The following MTOR variants were observed in gnomAD, a reference collection of about 807,000 sequenced individuals.
MTOR encodes serine/threonine-protein kinase mTOR.
In MTOR, 70 loss-of-function variants were observed where a neutral mutation model predicts 319.8. The ratio of observed to expected loss-of-function variants is 0.22; its 90% CI spans 0.18 to 0.27. The LOEUF (loss-of-function observed/expected upper bound fraction) is 0.27, where lower values mean the gene tolerates loss of function less well. Ranked by LOEUF, MTOR falls within the 10% of genes least tolerant of loss-of-function variation. MTOR has a pLI of 1.00. For synonymous variants in MTOR, 1,183 were observed against 1,211.4 expected (o/e 0.98, Z 0.49); for missense variants, 1,890 against 3,274.4 (o/e 0.58, Z 10.32).
intron 9 of MTOR, 81 bp from the exon 10 acceptor site, chr1:11,241,762 A>T: frequency 6.5e-7 from 1 of 1,529,028 alleles, no homozygotes; most frequent in Non-Finnish European, 8.9e-7. Flanking sequence ...TGGGGCAAGG[A>T]GAGCAGGTTA....
intron 28 of MTOR, chr1:11,195,064 C>T (rs745392551): frequency 4.4e-6 from 7 of 1,600,130 alleles, no homozygotes; most frequent in African/African-American, 1.3e-5. Flanking sequence ...AACTGAGACA[C>T]GTGGAGACTG....
At chr1:11,110,167 T>C (rs1453280025) in intron 54 of MTOR, among the ~76,000 whole-genome samples, 1 of 152,116 alleles carries the variant, frequency 6.6e-6, no homozygotes, top group Non-Finnish European at 1.5e-5. Context: ...ACAAAATGTG[T>C]TTGGACAAAA....
intron 15 of MTOR, 136 bp from the exon 16 acceptor site, chr1:11,232,664 C>T: frequency 3.2e-6 from 2 of 625,896 alleles, no homozygotes; most frequent in Non-Finnish European, 5.6e-6. Flanking sequence ...CACCTGGCAT[C>T]AGGAGCTCCA....
chr1:11,117,782 T>G (rs1007827684), intron 49 of MTOR, among the ~76,000 whole-genome samples: 3 of 151,930 alleles, frequency 2.0e-5, no homozygotes, highest in African/African-American at 7.3e-5. Context: ...CAAGGACACG[T>G]AGAATTTAGT....
intron 11 of MTOR, among the ~76,000 whole-genome samples, 195 bp from the exon 12 acceptor site, chr1:11,238,812 G>C (rs1557467910): frequency 1.3e-5 from 2 of 151,374 alleles, no homozygotes; most frequent in African/African-American, 4.8e-5. Context: ...GCCCAGGCTG[G>C]AGTGCAGTGG....
chr1:11,254,109 C>G, intron 5 of MTOR, 136 bp from the exon 6 acceptor site: 1 of 969,062 alleles, frequency 1.0e-6, no homozygotes, highest in Non-Finnish European at 1.5e-6. Flanking sequence ...ATCAACAAAA[C>G]TAACTGATCA....
At chr1:11,230,184 G>A (rs1646970905) in intron 18 of MTOR, among the ~76,000 whole-genome samples, 1 of 151,798 alleles carries the variant, frequency 6.6e-6, no homozygotes, top group African/African-American at 2.4e-5. Flanking sequence ...ATTTTGGGAA[G>A]CTGAAGCAGG....
At chr1:11,233,184 A>G (rs1647079310) in intron 15 of MTOR, 1 of 858,816 alleles carries the variant, frequency 1.2e-6, no homozygotes, top group Admixed American at 2.1e-5. Flanking sequence ...TACCATATCA[A>G]GCTGAAAATG....
At chr1:11,141,285 G>A (rs752080120) in intron 34 of MTOR, among the ~76,000 whole-genome samples, 11 of 151,798 alleles carry the variant, frequency 7.2e-5, no homozygotes, top group African/African-American at 1.5e-4. Context: ...GCTAATTTTT[G>A]TATTTTTTGA....
rs944112188 is a variant in MTOR, at chr1:11,127,406, T to C, written c.6216+218A>G. ...AATCTTGGGCTTTTCCAGTTAAAAT[T>C]CAGAAGGGTCCCTGTAACTAATTTC... On this transcript the variant is annotated intron_variant, in intron 44 of 57. Coordinates refer to ENST00000361445, the MANE Select transcript of MTOR (RefSeq NM_004958.4). This position sits in a 1 kb window ranked among gnomAD's most constrained non-coding sequence, Gnocchi z 5.5. Among the ~76,000 whole-genome samples, 6 of 152,152 alleles carry C rather than the reference T, an allele frequency of 3.9e-5. No individual in the cohort carries two copies. The highest frequency in any genetic ancestry group is 1.4e-4 in the African/African-American group (6 of 41,412).
intron 19 of MTOR, among the ~76,000 whole-genome samples, chr1:11,217,142 G>A (rs1323737759): frequency 6.6e-6 from 1 of 152,118 alleles, no homozygotes; most frequent in Non-Finnish European, 1.5e-5. Context: ...GAGATTATGA[G>A]CCAAAATAAG....
intron 54 of MTOR, chr1:11,111,565 C>T (rs17036353): frequency 0.047 from 8,786 of 185,112 alleles, 307 homozygotes; most frequent in South Asian, 0.1. Context: ...GTGCTCTCTT[C>T]GCAGCTACGG....
intron 13 of MTOR, among the ~76,000 whole-genome samples, chr1:11,234,948 A>G (rs1482581753): frequency 6.6e-6 from 1 of 152,202 alleles, no homozygotes; most frequent in Non-Finnish European, 1.5e-5. Context: ...CCAGAAGGAA[A>G]TCGATGAGCA....
intron 28 of MTOR, chr1:11,195,064 C>A (rs745392551): frequency 6.2e-7 from 1 of 1,600,248 alleles, no homozygotes; most frequent in Non-Finnish European, 8.5e-7. Context: ...AACTGAGACA[C>A]GTGGAGACTG....
chr1:11,233,462 G>A lies in MTOR; in HGVS notation c.2357C>T (p.Pro786Leu). Residue 786 changes from proline to leucine, a missense_variant, in exon 15 of 58, where the codon CCA (proline) becomes CTA (leucine). This residue lies in a region of MTOR where 377 missense variants were observed against 653.9 expected (regional missense o/e 0.58). Transcript: ENST00000361445. ...CACACCTGGGTTTGGATCAGGGTCT[G>A]GATCTTTCAGTTTCAAAATTAATGC... ...LKALILKLKDPDPDPNPGVIN... is the reference protein window; with the variant it reads ...LKALILKLKDLDPDPNPGVIN... 6.2e-7 allele frequency: 1 copy of A among 1,614,030 alleles called. No homozygotes were observed. Among genetic ancestry groups the A allele is most frequent in the East Asian group, 2.2e-5 (1 of 44,866 alleles).
rs752774908 is a variant in MTOR at position 11,228,808 on chromosome 1, G to C, written c.2890C>G (p.Leu964Val). 1 of 1,614,218 alleles carries C rather than the reference G, an allele frequency of 6.2e-7. No individual in the cohort carries two copies. The highest frequency in any genetic ancestry group is 8.5e-7 in the Non-Finnish European group (1 of 1,180,038). Residue 964 changes from leucine (L) to valine (V), a missense_variant, in exon 19 of 58, where the codon CTC (leucine) becomes GTC (valine). By Grantham distance (32) the Leu-to-Val change is conservative (BLOSUM62 1). This residue lies in a region of MTOR where 377 missense variants were observed against 653.9 expected (regional missense o/e 0.58). Coordinates refer to ENST00000361445, the MANE Select transcript of MTOR (RefSeq NM_004958.4). ...ALMRIFRDQS[L>V]SHHHTMVVQA... ...ACAACCATGGTGTGATGATGAGAGA[G>C]TGACTGGTCTCGGAAGATCCGCATC...
chr1:11,107,043 T>G lies in MTOR; in HGVS notation c.*442A>C. 1 of 1,371,556 alleles carries G rather than the reference T, an allele frequency of 7.3e-7. No homozygotes were observed. The allele number at this position is 1,371,556 out of a possible 1,614,324, so 85.0% of individuals were successfully genotyped here. A position where few individuals can be genotyped will look rare whatever the true frequency, so the allele number is the denominator to read the frequency against. ...GTCAGCATCTTCTGTGTCTTTACAG[T>G]CTAGGATCCTAATCCATGTTCTCCA... On this transcript the variant is annotated 3_prime_UTR_variant, in exon 58 of 58. Transcript: ENST00000361445.
At chr1:11,143,246 C>CT (rs1446816416) in intron 34 of MTOR, among the ~76,000 whole-genome samples, 1 of 152,238 alleles carries the variant, frequency 6.6e-6, no homozygotes, top group Non-Finnish European at 1.5e-5. Flanking sequence ...GTCACGAAGG[C>CT]TTAAGGTGGT....
chr1:11,241,603 G>A lies in MTOR; in HGVS notation c.1491C>T (p.Ile497=). The change falls in exon 10 of 58, where the codon ATC becomes ATT. Residue 497 remains isoleucine (I), a synonymous_variant. Transcript: ENST00000361445. The part of the protein sequence containing the change: ...SMLARAMGPG[I]QQDIKELLEP... ...CCAGCAGCTCCTTGATATCCTGCTG[G>A]ATGCCTGGCCCCATTGCTCGAGCCA... 2 of 1,614,020 alleles carry A rather than the reference G, an allele frequency of 1.2e-6. No individual in the cohort carries two copies.
Sources: allele counts gnomAD v4.1 joint callset (sites outside exome capture counted in the v4.1 genomes callset), GRCh38; gene constraint gnomAD v4.1.1; regional missense constraint gnomAD v4.1.1; non-coding constraint Gnocchi (gnomAD v3.1); transcripts MANE v1.5; gene names NCBI Gene and HGNC (gene_info 2026-07-23, HGNC 2026-07-21).